Variants in SUGCT observed in about 807,000 individuals in gnomAD.
SUGCT encodes the protein succinyl-CoA:glutarate CoA-transferase.
In SUGCT, 41 loss-of-function variants were observed where a neutral mutation model predicts 55.0. The observed-to-expected ratio is 0.74, with a 90% confidence interval of 0.58 to 0.97. The LOEUF (loss-of-function observed/expected upper bound fraction) is 0.97. Ranked by LOEUF, SUGCT falls within the 50% of genes least tolerant of loss-of-function variation. The pLI is 0.00. For missense variants in SUGCT, 568 were observed against 547.8 expected (o/e 1.04, Z -0.37); for synonymous variants, 187 against 200.4 (o/e 0.93, Z 0.56).
intron 9 of SUGCT, among the ~76,000 whole-genome samples, chr7:40,381,920 T>G (rs185953107): frequency 1.3e-5 from 2 of 151,904 alleles, no homozygotes; most frequent in African/African-American, 4.8e-5. Flanking sequence ...TCAGGTGGAG[T>G]TGATAAATTT....
At chr7:40,628,825 G>C (rs1428478671) in intron 12 of SUGCT, among the ~76,000 whole-genome samples, 1 of 151,842 alleles carries the variant, frequency 6.6e-6, no homozygotes, top group Non-Finnish European at 1.5e-5. Context: ...ACTGCAACCT[G>C]TGCCTCCCGT....
Position 40,496,323 on chromosome 7 carries a change from T to A in SUGCT, c.1026T>A (p.Phe342Leu), listed in dbSNP as rs373887797. Residue 342 changes from phenylalanine to leucine, a missense_variant, in exon 12 of 14, where the codon TTT (phenylalanine) becomes TTA (leucine). Coordinates refer to ENST00000335693, the MANE Select transcript of SUGCT (RefSeq NM_001193313.2). ...EELTSKWLYL[F>L]EGSGVPYGPI... is the part of the protein sequence containing the mutation. ...TGACCAGCAAGTGGTTATATCTTTT[T>A]GAAGGCAGTGGAGTCCCGTATGGCC... 2 of 1,613,140 alleles carry A rather than the reference T, an allele frequency of 1.2e-6. No individual in the cohort carries two copies. Among genetic ancestry groups the A allele is most frequent in the Non-Finnish European group, 1.7e-6 (2 of 1,179,516 alleles).
the SUGCT span, among the ~76,000 whole-genome samples, chr7:41,027,220 A>T: frequency 6.6e-6 from 1 of 151,728 alleles, no homozygotes; most frequent in Non-Finnish European, 1.5e-5. Context: ...TCCCATCCTC[A>T]CCCTGCATCC....
At position 40,762,830 on chromosome 7, in the gene SUGCT, C is replaced by T. The variant is rs186879707; in HGVS notation, c.1153+13333C>T. Among the ~76,000 whole-genome samples the T allele has an allele frequency of 3.6e-4, 54 of 148,812 alleles. No homozygotes were observed. The Middle Eastern group carries it at 0.014, about 38-fold the overall frequency. The stretch of plus-strand genomic sequence containing the variant: ...CAACTCTCTTTTTTTTTTTTTGAGA[C>T]GGAATCTCACTCTGTTGCCCAGGCT... On this transcript the variant is annotated intron_variant, in intron 13 of 13. Coordinates refer to ENST00000335693, the MANE Select transcript of SUGCT (RefSeq NM_001193313.2).
intron 8 of SUGCT, among the ~76,000 whole-genome samples, chr7:40,293,682 A>C (rs1206429793): frequency 6.6e-6 from 1 of 152,240 alleles, no homozygotes; most frequent in Non-Finnish European, 1.5e-5. Flanking sequence ...GTTACAATTT[A>C]AAAAGAAAGT....
chr7:40,347,476 T>G (rs142428174), intron 9 of SUGCT, among the ~76,000 whole-genome samples: 155 of 152,302 alleles, frequency 1.0e-3, no homozygotes, highest in African/African-American at 3.5e-3. Context: ...AAACAAAATG[T>G]TCAAAGTGTG....
chr7:40,186,918 T>C (rs935985255), intron 3 of SUGCT, among the ~76,000 whole-genome samples: 1 of 152,224 alleles, frequency 6.6e-6, no homozygotes, highest in African/African-American at 2.4e-5. Context: ...GCAGTGTGAA[T>C]TTTTAAAGAT....
intron 1 of SUGCT, among the ~76,000 whole-genome samples, chr7:40,141,075 T>C (rs966374119): frequency 6.6e-6 from 1 of 152,180 alleles, no homozygotes; most frequent in Admixed American, 6.5e-5. Flanking sequence ...TGGTTAAATA[T>C]ATTCCTAGGT....
At chr7:40,403,427 A>G (rs1458199978) in intron 9 of SUGCT, among the ~76,000 whole-genome samples, 2 of 152,214 alleles carry the variant, frequency 1.3e-5, no homozygotes, top group African/African-American at 4.8e-5. Context: ...AAACAGTGGT[A>G]ACACTTGCAG....
At chr7:40,377,203 CTTTTCTTTTCTTTCT>C (rs1784626591) in intron 9 of SUGCT, among the ~76,000 whole-genome samples, 3 of 11,958 alleles carry the variant, frequency 2.5e-4, no homozygotes, top group African/African-American at 9.0e-4. Context: ...TCTTTCTTTT[CTTTTCTTTTCTTTCT>C]TTTCTTTCTT....
At chr7:40,484,661 A>G (rs1313995547) in intron 11 of SUGCT, among the ~76,000 whole-genome samples, 1 of 152,210 alleles carries the variant, frequency 6.6e-6, no homozygotes, top group African/African-American at 2.4e-5. Flanking sequence ...CTAAATCATG[A>G]AGATCATAAA....
the SUGCT span, among the ~76,000 whole-genome samples, chr7:40,936,607 G>A: frequency 6.6e-6 from 1 of 151,394 alleles, no homozygotes; most frequent in Non-Finnish European, 1.5e-5. Flanking sequence ...ATGTATTTAG[G>A]TTCTAATCTG....
At chr7:40,337,961 C>T (rs1796811874) in intron 9 of SUGCT, among the ~76,000 whole-genome samples, 1 of 152,070 alleles carries the variant, frequency 6.6e-6, no homozygotes, top group South Asian at 2.1e-4. Flanking sequence ...CAAAATCTCT[C>T]AGCATTTGCT....
chr7:40,894,806 A>C, the SUGCT span, among the ~76,000 whole-genome samples: 15 of 152,220 alleles, frequency 9.9e-5, no homozygotes, highest in African/African-American at 3.1e-4. Context: ...AAAAGTCAGA[A>C]AATAACAGAT....
rs367545331 is a variant in SUGCT at position 40,313,747 on chromosome 7, GT to G, written c.721-3001del. 2.8e-3 allele frequency among the ~76,000 whole-genome samples: 388 copies of G among 140,424 alleles called. 3 individuals carry two copies. The highest frequency in any genetic ancestry group is 0.023 in the South Asian group (99 of 4,356). The allele number at this position is 140,424 out of a possible 152,430, so 92.1% of individuals were successfully genotyped here. A position where few individuals can be genotyped will look rare whatever the true frequency, so the allele number is the denominator to read the frequency against. The stretch of plus-strand genomic sequence containing the variant: ...CCAGGCTCAGGTGATCCCCCCATCT[GT>G]TTTTTTTTTTTGTTTTGTATTTTTA... On this transcript the variant is annotated intron_variant, in intron 8 of 13. Coordinates refer to ENST00000335693, the MANE Select transcript of SUGCT (RefSeq NM_001193313.2).
At chr7:40,588,406 G>A (rs543818110) in intron 12 of SUGCT, among the ~76,000 whole-genome samples, 2 of 152,130 alleles carry the variant, frequency 1.3e-5, no homozygotes, top group South Asian at 4.1e-4. Context: ...CTATAGATTA[G>A]TATAATTTTT....
chr7:40,937,197 C>T, the SUGCT span, among the ~76,000 whole-genome samples: 1 of 152,160 alleles, frequency 6.6e-6, no homozygotes, highest in Non-Finnish European at 1.5e-5. Flanking sequence ...GAGATGAGGT[C>T]TTGCTCTGTA....
chr7:40,379,590 A>G (rs990427582), intron 9 of SUGCT, among the ~76,000 whole-genome samples: 1 of 152,096 alleles, frequency 6.6e-6, no homozygotes. Flanking sequence ...TCTTTGTTGT[A>G]TGTGACCACT....
At chr7:40,772,876 C>T (rs74667964) in intron 13 of SUGCT, among the ~76,000 whole-genome samples, 5 of 151,990 alleles carry the variant, frequency 3.3e-5, no homozygotes, top group East Asian at 1.9e-4. Flanking sequence ...CTGCCCGCCA[C>T]GGCCTCCCAC....
Sources: gnomAD v4.1 joint callset for allele counts (sites outside exome capture counted in the v4.1 genomes callset) on GRCh38, gnomAD v4.1.1 for gene constraint, MANE v1.5 for transcripts, NCBI Gene and HGNC (gene_info 2026-07-23, HGNC 2026-07-21) for gene names.